STRN: variants seen among roughly 807,000 people sequenced by gnomAD.
STRN encodes striatin, also known as protein phosphatase 2 regulatory subunit B'''alpha.
A neutral mutation model predicts 96.3 loss-of-function variants in STRN; 53 were observed. The ratio of observed to expected loss-of-function variants is 0.55; its 90% confidence interval spans 0.44 to 0.69. The LOEUF (loss-of-function observed/expected upper bound fraction) is 0.69, where lower values mean the gene tolerates loss of function less well. Among genes scored for constraint, STRN ranks in the 30% least tolerant of loss-of-function variants. The probability of loss-of-function intolerance (pLI) is 0.00; values close to 1 mark genes in which losing one functional copy is unlikely to be tolerated. For synonymous variants in STRN, 428 were observed against 355.9 expected (o/e 1.20, Z -2.28); for missense variants, 987 against 963.9 (o/e 1.02, Z -0.32).
chr2:36,901,432 G>C (rs944669261), intron 5 of STRN, among the ~76,000 whole-genome samples: 2 of 151,706 alleles, frequency 1.3e-5, no homozygotes, highest in African/African-American at 4.8e-5. Flanking sequence ...CGCGCCTGTA[G>C]TCTCAGCTAC....
intron 7 of STRN, among the ~76,000 whole-genome samples, chr2:36,893,654 G>A (rs78759575): frequency 0.082 from 12,541 of 152,078 alleles, 818 homozygotes; most frequent in African/African-American, 0.18. Flanking sequence ...AGAATATTCT[G>A]TATAGTAATT....
rs761975239 is a variant in STRN at position 36,893,918 on chromosome 2, G to C, written c.911C>G (p.Ala304Gly). The C allele has an allele frequency of 6.2e-7, 1 of 1,611,588 alleles. No homozygotes were observed. Among genetic ancestry groups the C allele is most frequent in the African/African-American group, 1.3e-5 (1 of 74,746 alleles). The change falls in exon 7 of 18, where the codon GCA (alanine) becomes GGA (glycine). Residue 304 changes from alanine (A) to glycine (G), a missense_variant. Physicochemically the swap from Ala to Gly is moderately conservative, Grantham distance 60. Coordinates refer to ENST00000263918, the MANE Select transcript of STRN (RefSeq NM_003162.4). ...SEEGDNESRS[A>G]GDGTDWEKED... is the part of the protein sequence containing the mutation. The stretch of plus-strand genomic sequence containing the variant: ...CTTACCCCAGTCTGTTCCATCGCCT[G>C]CACTTCTAGATTCATTGTCTCCTTC...
intron 1 of STRN, among the ~76,000 whole-genome samples, chr2:36,948,246 C>G (rs925755804): frequency 6.6e-6 from 1 of 151,692 alleles, no homozygotes; most frequent in Admixed American, 6.6e-5. Context: ...GGATTACAGG[C>G]ATGTGCCACC....
At chr2:36,896,592 C>T (rs1669545816) in intron 6 of STRN, among the ~76,000 whole-genome samples, 1 of 152,010 alleles carries the variant, frequency 6.6e-6, no homozygotes, top group Non-Finnish European at 1.5e-5. Context: ...CACAGGATGC[C>T]TAAGTAGATT....
rs185724463 is a variant in STRN at position 36,887,428 on chromosome 2, C to T, written c.932-602G>A. Reference sequence around the variant, plus strand: ...GAGGTTGCAATGAGCCGAGATTGTGCCATTGCACTCCCGCCTGGGCAACAG... The same window carrying T: ...GAGGTTGCAATGAGCCGAGATTGTGTCATTGCACTCCCGCCTGGGCAACAG... On this transcript the variant is annotated intron_variant, in intron 7 of 17. Transcript: ENST00000263918. Among the ~76,000 whole-genome samples, 870 of 151,896 alleles carry T rather than the reference C, an allele frequency of 5.7e-3. 1 individual carries two copies. Among genetic ancestry groups the T allele is most frequent in the Non-Finnish European group, 9.4e-3 (641 of 67,932 alleles).
chr2:36,851,150 T>A (rs1668211313), intron 15 of STRN, 43 bp from the exon 16 acceptor site: 3 of 1,506,036 alleles, frequency 2.0e-6, no homozygotes, highest in African/African-American at 2.8e-5. Context: ...TAGTCAAAGA[T>A]ATTTTTCACA....
intron 1 of STRN, among the ~76,000 whole-genome samples, chr2:36,934,458 C>G (rs1368999341): frequency 6.6e-6 from 1 of 152,170 alleles, no homozygotes; most frequent in Non-Finnish European, 1.5e-5. Flanking sequence ...ACAGAGCTCT[C>G]AGAAAGCATT....
intron 12 of STRN, chr2:36,867,366 C>T (rs1235841671): frequency 6.5e-6 from 1 of 152,918 alleles, no homozygotes; most frequent in Non-Finnish European, 1.4e-5. Flanking sequence ...CAGCGTGAGA[C>T]CCCGTCTCAA....
At position 36,847,926 on chromosome 2, in the gene STRN, T is replaced by C. The variant is rs183502176; in HGVS notation, c.*1530A>G. 7 of 152,366 alleles carry C rather than the reference T, an allele frequency of 4.6e-5. No individual in the cohort carries two copies. Among genetic ancestry groups the C allele is most frequent in the African/African-American group, 1.4e-4 (6 of 41,592 alleles). 9.4% of individuals were successfully genotyped at this position (152,366 alleles called of 1,614,324 possible). On this transcript the variant is annotated 3_prime_UTR_variant, in exon 18 of 18. Coordinates refer to ENST00000263918, the MANE Select transcript of STRN (RefSeq NM_003162.4). Reference sequence around the variant, plus strand: ...AATATTTTTAAAATCTAAGAGCCTATTTATATGTTTTTTGGTGGAAAGTTG... The same window carrying C: ...AATATTTTTAAAATCTAAGAGCCTACTTATATGTTTTTTGGTGGAAAGTTG...
chr2:36,908,592 TTAA>T (rs1315226832), intron 3 of STRN, among the ~76,000 whole-genome samples: 3 of 152,114 alleles, frequency 2.0e-5, no homozygotes, highest in East Asian at 3.9e-4. Context: ...AAATTATATC[TTAA>T]TAAGAATCAA....
At chr2:36,950,215 T>C (rs1664719896) in intron 1 of STRN, among the ~76,000 whole-genome samples, 1 of 130,518 alleles carries the variant, frequency 7.7e-6, no homozygotes, top group African/African-American at 3.2e-5. Flanking sequence ...TTGGTTTTGT[T>C]TTTTTTTTTT....
At chr2:36,906,463 C>CAATGAATGGATG (rs1669822422) in intron 3 of STRN, among the ~76,000 whole-genome samples, 1 of 149,754 alleles carries the variant, frequency 6.7e-6, no homozygotes, top group African/African-American at 2.5e-5. Flanking sequence ...TGTCTCAAAA[C>CAATGAATGGATG]AATGAATGAA....
In STRN at chr2:36,849,110, T is replaced by G. The variant is rs908862387; in HGVS notation, c.*346A>C. ...AGTCCCAGCTATCAAGCTTTTAAAT[T>G]ATCCATTGTAGCATGCCCTACTTAC... On this transcript the variant is annotated 3_prime_UTR_variant, in exon 18 of 18. Transcript: ENST00000263918. 1 of 197,900 alleles carries G rather than the reference T, an allele frequency of 5.1e-6. No homozygotes were observed. Among genetic ancestry groups the G allele is most frequent in the Non-Finnish European group, 1.0e-5 (1 of 96,216 alleles). 12.3% of individuals were successfully genotyped at this position (197,900 alleles called of 1,614,324 possible). A position where few individuals can be genotyped will look rare whatever the true frequency, so the allele number is the denominator to read the frequency against.
chr2:36,887,216 G>A (rs924156232), intron 7 of STRN, among the ~76,000 whole-genome samples: 1 of 151,188 alleles, frequency 6.6e-6, no homozygotes, highest in Non-Finnish European at 1.5e-5. Flanking sequence ...ATCACATGAG[G>A]TCAGGAGTTC....
intron 10 of STRN, among the ~76,000 whole-genome samples, chr2:36,876,777 T>C (rs1668924145): frequency 6.6e-6 from 1 of 151,978 alleles, no homozygotes; most frequent in Non-Finnish European, 1.5e-5. Flanking sequence ...AGGCGGAGTC[T>C]TGCTCTGTCG....
At chr2:36,950,463 G>A (rs972532475) in intron 1 of STRN, among the ~76,000 whole-genome samples, 7 of 152,064 alleles carry the variant, frequency 4.6e-5, no homozygotes, top group East Asian at 1.9e-4. Context: ...TGATCCACCC[G>A]CCTTGGCCTC....
chr2:36,864,150 T>C (rs1459235820), intron 12 of STRN, among the ~76,000 whole-genome samples: 1 of 152,150 alleles, frequency 6.6e-6, no homozygotes, highest in African/African-American at 2.4e-5. Flanking sequence ...CCTTTTCTTT[T>C]CCTTGCCTGA....
At position 36,849,406 on chromosome 2, in the gene STRN, G is replaced by A. The variant is rs1225557109; in HGVS notation, c.*50C>T. On this transcript the variant is annotated 3_prime_UTR_variant, in exon 18 of 18. Transcript: ENST00000263918. ...TGCCCTCGTCTTCTGTATCTCTTGT[G>A]TGCAGTTGATTACTTATAAACAGCT... The A allele has an allele frequency of 6.3e-7, 1 of 1,594,938 alleles. No homozygotes were observed. The highest frequency in any genetic ancestry group is 1.3e-5 in the African/African-American group (1 of 74,310).
rs1572684650 is a variant in STRN at position 36,932,499 on chromosome 2, T to G, written c.235-7291A>C. On this transcript the variant is annotated intron_variant, in intron 1 of 17. Transcript: ENST00000263918. Reference sequence around the variant, plus strand: ...ACTAGTCAGTCTCCTGAAATTTTCCTAATAAATAAAATTACTGTACCATTT... The same window carrying G: ...ACTAGTCAGTCTCCTGAAATTTTCCGAATAAATAAAATTACTGTACCATTT... Among the ~76,000 whole-genome samples, 4 of 152,350 alleles carry G rather than the reference T, an allele frequency of 2.6e-5. No homozygotes were observed. The South Asian group carries it at 6.2e-4, about 24-fold the overall frequency.
Sources: allele counts gnomAD v4.1 joint callset (sites outside exome capture counted in the v4.1 genomes callset), GRCh38; gene constraint gnomAD v4.1.1; transcripts MANE v1.5; gene names NCBI Gene and HGNC (gene_info 2026-07-23, HGNC 2026-07-21).